The following KCNU1 variants were observed in gnomAD, a reference collection of about 807,000 sequenced individuals.
KCNU1 encodes the protein potassium channel subfamily U member 1.
Under a neutral mutation model 126.8 loss-of-function variants are expected in KCNU1, and 93 were observed. The observed-to-expected ratio is 0.73, with a 90% CI of 0.62 to 0.87. KCNU1 has a LOEUF of 0.87. Among genes scored for constraint, KCNU1 ranks in the 40% least tolerant of loss-of-function variants. KCNU1 has a pLI of 0.00. For synonymous variants in KCNU1, 523 were observed against 494.2 expected (o/e 1.06, Z -0.77); for missense variants, 1,330 against 1,367.1 (o/e 0.97, Z 0.43).
intron 10 of KCNU1, among the ~76,000 whole-genome samples, chr8:36,833,192 C>A (rs988046630): frequency 1.3e-5 from 2 of 152,006 alleles, no homozygotes; most frequent in African/African-American, 4.8e-5. Flanking sequence ...TGATTGTTTT[C>A]TGCTTGCTCT....
At chr8:36,817,867 T>C in intron 10 of KCNU1, 107 bp downstream of exon 10, 1 of 596,174 alleles carries the variant, frequency 1.7e-6, no homozygotes, top group South Asian at 2.5e-5. Context: ...AAAAAGTAGG[T>C]ATTGATCATA....
intron 2 of KCNU1, among the ~76,000 whole-genome samples, chr8:36,790,779 T>C (rs1802874894): frequency 6.6e-6 from 1 of 151,990 alleles, no homozygotes; most frequent in South Asian, 2.1e-4. Flanking sequence ...GGAATAGATA[T>C]CTCTAATGCT....
At chr8:36,911,559 T>A (rs191092002) in intron 22 of KCNU1, among the ~76,000 whole-genome samples, 1 of 152,310 alleles carries the variant, frequency 6.6e-6, no homozygotes, top group African/African-American at 2.4e-5. Context: ...GAATGAACCA[T>A]GATTCTCTTT....
rs537110265 is a variant in KCNU1, at chr8:36,840,948, A to T, written c.1648A>T (p.Met550Leu). The T allele has an allele frequency of 7.3e-5, 117 of 1,611,828 alleles. No individual in the cohort carries two copies. Among genetic ancestry groups the T allele is most frequent in the Non-Finnish European group, 9.3e-5 (110 of 1,179,040 alleles). The change falls in exon 16 of 27, where the codon ATG becomes TTG. Residue 550 changes from methionine to leucine, a missense_variant. By Grantham distance (15) the Met-to-Leu change is conservative. Transcript: ENST00000399881. ...PEVARLCFLKMHLLLIAIEYK... is the reference protein window; with the variant it reads ...PEVARLCFLKLHLLLIAIEYK... ...CCTTCCCAGGCTCTGCTTTCTGAAG[A>T]TGCACCTCCTGTTGATAGCCATCGA...
At chr8:36,886,483 G>T (rs1319125399) in intron 19 of KCNU1, among the ~76,000 whole-genome samples, 1 of 152,160 alleles carries the variant, frequency 6.6e-6, no homozygotes, top group African/African-American at 2.4e-5. Context: ...GCCGGGAAGT[G>T]TGCCTCCAGA....
rs538090899 is a variant in KCNU1 at position 36,865,773 on chromosome 8, CAAAAAAAAAAA to C, written c.2009+1267_2009+1277del. 1.5e-4 allele frequency among the ~76,000 whole-genome samples: 9 copies of C among 61,386 alleles called. No homozygotes were observed. The East Asian group carries it at 3.1e-3, about 21-fold the overall frequency. The allele number at this position is 61,386 out of a possible 152,430, so 40.3% of individuals were successfully genotyped here. A position where few individuals can be genotyped will look rare whatever the true frequency, so the allele number is the denominator to read the frequency against. ...CCTGAGTGACAGAGCAAGAGCTTGT[CAAAAAAAAAAA>C]AAAAAAAAAAAAAAGAATGGATAAA... On this transcript the variant is annotated intron_variant, in intron 19 of 26. Transcript: ENST00000399881.
chr8:36,827,621 G>C (rs1804374221), intron 10 of KCNU1, among the ~76,000 whole-genome samples: 1 of 152,084 alleles, frequency 6.6e-6, no homozygotes, highest in Admixed American at 6.5e-5. Context: ...GGAGGGAGTT[G>C]GCTGAAGTTA....
chr8:36,881,796 TCACACACACACACACACACA>T (rs10522369), intron 19 of KCNU1, among the ~76,000 whole-genome samples: 16 of 138,930 alleles, frequency 1.2e-4, no homozygotes, highest in East Asian at 1.1e-3. Flanking sequence ...AAAAGTCAAA[TCACACACACACACACACACA>T]CACACACACA....
At chr8:36,847,726 C>T (rs191666171) in intron 18 of KCNU1, among the ~76,000 whole-genome samples, 2 of 152,246 alleles carry the variant, frequency 1.3e-5, no homozygotes, top group Admixed American at 6.5e-5. Flanking sequence ...TTTTGATGGA[C>T]ATTTAGGTTG....
intron 19 of KCNU1, among the ~76,000 whole-genome samples, chr8:36,871,486 A>C (rs140877089): frequency 6.6e-6 from 1 of 152,236 alleles, no homozygotes; most frequent in African/African-American, 2.4e-5. Flanking sequence ...AACAAACAAA[A>C]TTTTATTGTT....
chr8:36,857,625 G>GT (rs904761780), intron 18 of KCNU1, among the ~76,000 whole-genome samples: 2 of 130,370 alleles, frequency 1.5e-5, no homozygotes, highest in Non-Finnish European at 3.6e-5. Context: ...TTTGTTGTTT[G>GT]TTTTTTGTTT....
intron 19 of KCNU1, among the ~76,000 whole-genome samples, chr8:36,896,471 G>C (rs996394334): frequency 6.6e-6 from 1 of 151,914 alleles, no homozygotes; most frequent in Non-Finnish European, 1.5e-5. Flanking sequence ...CAGAAAAGTA[G>C]GGGTAAATAA....
intron 19 of KCNU1, among the ~76,000 whole-genome samples, chr8:36,895,828 T>C: frequency 6.6e-6 from 1 of 152,072 alleles, no homozygotes; most frequent in East Asian, 1.9e-4. Flanking sequence ...AAGTGATTAA[T>C]CTGCAACATA....
intron 2 of KCNU1, among the ~76,000 whole-genome samples, chr8:36,802,050 A>C (rs1803326821): frequency 1.4e-5 from 2 of 143,638 alleles, no homozygotes; most frequent in African/African-American, 5.2e-5. Flanking sequence ...CGGAGGTTGC[A>C]GTGAGCCGAG....
rs749299343 is a variant in KCNU1, at chr8:36,840,480, C to T, written c.1536C>T (p.Thr512=). Residue 512 remains threonine (T), a synonymous_variant, in exon 15 of 27, where the codon ACC becomes ACT. Transcript: ENST00000399881. The part of the protein sequence containing the change: ...EQNKKVMPKQ[T]WKKHFLNSMK... Reference sequence around the variant, plus strand: ...TATTCCAGGTTATGCCTAAACAGACCTGGAAGAAACACTTCTTGAATAGCA... The same window carrying T: ...TATTCCAGGTTATGCCTAAACAGACTTGGAAGAAACACTTCTTGAATAGCA... 1.3e-6 allele frequency: 2 copies of T among 1,599,002 alleles called. No individual in the cohort carries two copies. Among genetic ancestry groups the T allele is most frequent in the Admixed American group, 1.7e-5 (1 of 59,736 alleles).
intron 22 of KCNU1, among the ~76,000 whole-genome samples, chr8:36,913,890 C>G (rs929948938): frequency 6.6e-6 from 1 of 152,024 alleles, no homozygotes; most frequent in African/African-American, 2.4e-5. Flanking sequence ...CTTGAGCCAC[C>G]ACGCCTGGCC....
At chr8:36,868,323 CAAT>C (rs952037811) in intron 19 of KCNU1, among the ~76,000 whole-genome samples, 68 of 152,124 alleles carry the variant, frequency 4.5e-4, no homozygotes, top group African/African-American at 1.5e-3. Context: ...GCCATAACAA[CAAT>C]GAGTGGTAAA....
intron 10 of KCNU1, among the ~76,000 whole-genome samples, chr8:36,820,645 G>A (rs947275335): frequency 1.3e-5 from 2 of 150,980 alleles, no homozygotes; most frequent in Non-Finnish European, 2.9e-5. Context: ...TTTAGTTTTC[G>A]AGCAGAACTT....
chr8:36,863,191 A>C (rs764003485), intron 18 of KCNU1, among the ~76,000 whole-genome samples: 6 of 152,130 alleles, frequency 3.9e-5, no homozygotes, highest in Non-Finnish European at 8.8e-5. Flanking sequence ...ATGGTTCAGA[A>C]AATAATTACA....
Sources: allele counts gnomAD v4.1 joint callset (sites outside exome capture counted in the v4.1 genomes callset), GRCh38; gene constraint gnomAD v4.1.1; transcripts MANE v1.5; gene names NCBI Gene and HGNC (gene_info 2026-07-23, HGNC 2026-07-21).